Variants in WDR45B observed in about 807,000 individuals in gnomAD.
The protein encoded by WDR45B is WD repeat domain phosphoinositide-interacting protein 3.
WDR45B carries 20 observed loss-of-function variants against 44.6 expected under a neutral mutation model. The observed-to-expected ratio is 0.45, with a 90% CI of 0.32 to 0.65. The LOEUF (loss-of-function observed/expected upper bound fraction) is 0.65. WDR45B is among the 30% of genes least tolerant of loss of function. The pLI is 0.05. For missense variants in WDR45B, 323 were observed against 430.2 expected (o/e 0.75, Z 2.20); for synonymous variants, 169 against 164.9 (o/e 1.02, Z -0.19).
intron 2 of WDR45B, among the ~76,000 whole-genome samples, chr17:82,632,314 A>C (rs2045778341): frequency 6.6e-6 from 1 of 151,762 alleles, no homozygotes; most frequent in Non-Finnish European, 1.5e-5. Context: ...GGCACACATC[A>C]CCGCGCCTGG....
chr17:82,631,024 T>C lies in WDR45B; in HGVS notation c.143-2A>G. 6.2e-7 allele frequency: 1 copy of C among 1,613,122 alleles called. No homozygotes were observed. Among genetic ancestry groups the C allele is most frequent in the African/African-American group, 1.3e-5 (1 of 75,054 alleles). On this transcript the variant is annotated splice_acceptor_variant, in intron 2 of 9. Transcript: ENST00000392325. LOFTEE classifies it high-confidence loss of function. ...GGCCAACTCCTCCTTCTAGAAATTC[T>C]GAAATGATAGTTTTAAAAAGACCAA...
At chr17:82,625,835 G>C (rs3826310) in intron 4 of WDR45B, 14,051 of 309,146 alleles carry the variant, frequency 0.045, 355 homozygotes, top group Middle Eastern at 0.072. Flanking sequence ...AATAAGAAAA[G>C]TCTGAAAGTA....
intron 3 of WDR45B, among the ~76,000 whole-genome samples, chr17:82,628,433 C>T (rs1555649257): frequency 1.3e-5 from 2 of 150,222 alleles, no homozygotes; most frequent in South Asian, 4.5e-4. Flanking sequence ...CAACCAGCAC[C>T]GTGCTTTTGA....
At chr17:82,621,956 A>G (rs2045624947) in intron 5 of WDR45B, among the ~76,000 whole-genome samples, 157 bp from the exon 6 acceptor site, 1 of 146,270 alleles carries the variant, frequency 6.8e-6, no homozygotes, top group African/African-American at 2.8e-5. Flanking sequence ...TTGTAAATAA[A>G]GAGTATGAGA....
In WDR45B at chr17:82,616,513, G is replaced by C; in HGVS notation, c.928+11C>G. The C allele has an allele frequency of 6.2e-7, 1 of 1,613,826 alleles. No individual in the cohort carries two copies. Among genetic ancestry groups the C allele is most frequent in the Non-Finnish European group, 8.5e-7 (1 of 1,179,942 alleles). ...CGGGTGGGGACGTTCTCTCCAGGAA[G>C]GACCACTCACCAATGACGGCGTTTG... On this transcript the variant is annotated intron_variant, in intron 9 of 9. Coordinates refer to ENST00000392325, the MANE Select transcript of WDR45B (RefSeq NM_019613.4).
chr17:82,616,092 C>G, intron 9 of WDR45B, 67 bp from the exon 10 acceptor site: 1 of 1,403,432 alleles, frequency 7.1e-7, no homozygotes, highest in East Asian at 2.4e-5. Flanking sequence ...ACGAGTCCCA[C>G]TGAGCTGAAC....
At chr17:82,643,858 C>T in intron 2 of WDR45B, 91 bp downstream of exon 2, 2 of 1,270,250 alleles carry the variant, frequency 1.6e-6, no homozygotes, top group Non-Finnish European at 2.2e-6. Context: ...TCGAAAACAG[C>T]CATCCCTTCC....
chr17:82,623,215 C>T (rs188747152), intron 5 of WDR45B, among the ~76,000 whole-genome samples: 6 of 151,534 alleles, frequency 4.0e-5, no homozygotes, highest in East Asian at 1.9e-4. Flanking sequence ...AATGAAACCC[C>T]GTCTCTACTA....
intron 2 of WDR45B, among the ~76,000 whole-genome samples, chr17:82,632,599 C>T (rs2045781728): frequency 6.6e-6 from 1 of 152,206 alleles, no homozygotes; most frequent in African/African-American, 2.4e-5. Flanking sequence ...CTCCCACGTT[C>T]TGCATGGTTC....
chr17:82,616,150 G>A, intron 9 of WDR45B, 125 bp from the exon 10 acceptor site: 3 of 932,992 alleles, frequency 3.2e-6, no homozygotes, highest in Non-Finnish European at 5.0e-6. Context: ...AGCCCTGAAA[G>A]GCCCCAGGGT....
In WDR45B at chr17:82,616,438, C is replaced by T. The variant is rs867817605; in HGVS notation, c.928+86G>A. 106 of 1,604,370 alleles carry T rather than the reference C, an allele frequency of 6.6e-5. No individual in the cohort carries two copies. The African/African-American group carries it at 1.2e-3, about 18-fold the overall frequency. On this transcript the variant is annotated intron_variant, in intron 9 of 9. Transcript: ENST00000392325. ...TCGGTGCCACAGCGCGGTGCTGGGA[C>T]GTCCATGGGAAGTTAGGTCTGACGC...
At chr17:82,631,093 G>C in intron 2 of WDR45B, 71 bp from the exon 3 acceptor site, 1 of 1,481,332 alleles carries the variant, frequency 6.8e-7, no homozygotes, top group South Asian at 1.1e-5. Flanking sequence ...AAAGAAAAGA[G>C]AAAGTCAAGA....
At position 82,617,369 on chromosome 17, in the gene WDR45B, T is replaced by G. The variant is rs756257531; in HGVS notation, c.733A>C (p.Ile245Leu). The change falls in exon 8 of 10, where the codon ATC (isoleucine) becomes CTC (leucine). Residue 245 changes from isoleucine to leucine, a missense_variant. Ile to Leu is a conservative substitution (Grantham distance 5). Coordinates refer to ENST00000392325, the MANE Select transcript of WDR45B (RefSeq NM_019613.4). ...CINFNQDASL[I>L]CVSSDHGTVH... ...GTGCCGTGGTCGCTGGATACGCAGATGAGGGACGCATCCTGATTGAAGTTG... is the reference window on the plus strand; with the variant it reads ...GTGCCGTGGTCGCTGGATACGCAGAGGAGGGACGCATCCTGATTGAAGTTG... 1 of 1,614,150 alleles carries G rather than the reference T, an allele frequency of 6.2e-7. No individual in the cohort carries two copies. The highest frequency in any genetic ancestry group is 1.7e-5 in the Admixed American group (1 of 60,020).
In WDR45B at chr17:82,615,602, G is replaced by A. The variant is rs994389447; in HGVS notation, c.*317C>T. The A allele has an allele frequency of 1.6e-5, 7 of 427,996 alleles. No individual in the cohort carries two copies. The highest frequency in any genetic ancestry group is 4.9e-5 in the East Asian group (1 of 20,456). 26.5% of individuals were successfully genotyped at this position (427,996 alleles called of 1,614,324 possible). A position where few individuals can be genotyped will look rare whatever the true frequency, so the allele number is the denominator to read the frequency against. On this transcript the variant is annotated 3_prime_UTR_variant, in exon 10 of 10. Coordinates refer to ENST00000392325, the MANE Select transcript of WDR45B (RefSeq NM_019613.4). The stretch of plus-strand genomic sequence containing the variant: ...CCCTCTCAGCCCAGTCCCCAGGTCC[G>A]TATGGAGCCCCCGTCAGTGTGAGGA...
Position 82,619,161 on chromosome 17 carries a change from A to C in WDR45B, c.619-33T>G. The C allele has an allele frequency of 2.5e-6, 4 of 1,604,792 alleles. No individual in the cohort carries two copies. In the East Asian group the frequency reaches 8.9e-5, roughly 36 times the overall value. On this transcript the variant is annotated intron_variant, in intron 6 of 9. Transcript: ENST00000392325. Reference sequence around the variant, plus strand: ...AAACAGTGAAGTGTTTCATTATCAAAGATTCAAAACTTTTTCGTTAGTTTT... The same window carrying C: ...AAACAGTGAAGTGTTTCATTATCAACGATTCAAAACTTTTTCGTTAGTTTT...
intron 3 of WDR45B, among the ~76,000 whole-genome samples, chr17:82,630,720 C>A (rs1284429895): frequency 1.3e-5 from 2 of 152,214 alleles, no homozygotes; most frequent in Non-Finnish European, 2.9e-5. Flanking sequence ...TATGACAATG[C>A]AAGCGAGTGA....
At chr17:82,632,447 G>A (rs909230761) in intron 2 of WDR45B, among the ~76,000 whole-genome samples, 1 of 152,136 alleles carries the variant, frequency 6.6e-6, no homozygotes, top group East Asian at 1.9e-4. Flanking sequence ...GATTGTAAGT[G>A]TGAGCCACCG....
At chr17:82,627,350 C>T in intron 3 of WDR45B, 59 bp from the exon 4 acceptor site, 1 of 1,375,712 alleles carries the variant, frequency 7.3e-7, no homozygotes. Flanking sequence ...CGCTGGGATG[C>T]AGCGATGCCA....
Position 82,621,816 on chromosome 17 carries a change from G to C in WDR45B, c.428-17C>G. On this transcript the variant is annotated splice_polypyrimidine_tract_variant and intron_variant, in intron 5 of 9. Transcript: ENST00000392325. ...CACAGAGGCCTGCGTGGAGACAGAG[G>C]ACACCAATCAAGAACTGCCTTTGAT... The C allele has an allele frequency of 6.2e-7, 1 of 1,613,658 alleles. No individual in the cohort carries two copies. The highest frequency in any genetic ancestry group is 8.5e-7 in the Non-Finnish European group (1 of 1,179,884).
Sources: gnomAD v4.1 joint callset for allele counts (sites outside exome capture counted in the v4.1 genomes callset) on GRCh38, gnomAD v4.1.1 for gene constraint, MANE v1.5 for transcripts, NCBI Gene and HGNC (gene_info 2026-07-23, HGNC 2026-07-21) for gene names.